The following ZNF565 variants were observed in gnomAD, a reference collection of about 807,000 sequenced individuals.
ZNF565 encodes the protein zinc finger protein 565.
In ZNF565, 27 loss-of-function variants were observed where a neutral mutation model predicts 39.4. That is an observed-to-expected ratio of 0.69 (90% CI 0.51 to 0.95). The LOEUF is 0.95. Among genes scored for constraint, ZNF565 ranks in the 40% least tolerant of loss-of-function variants. The pLI, the probability that ZNF565 is intolerant of heterozygous loss-of-function variation, is 0.00. For missense variants in ZNF565, 524 were observed against 621.1 expected (o/e 0.84, Z 1.66); for synonymous variants, 185 against 216.6 (o/e 0.85, Z 1.28).
At chr19:36,194,800 G>C in intron 3 of ZNF565, 1 of 643,952 alleles carries the variant, frequency 1.6e-6, no homozygotes, top group Non-Finnish European at 2.8e-6. Flanking sequence ...GACAGGAGGA[G>C]AGAGAGCACC....
At chr19:36,195,203 CATTT>C (rs763085274) in intron 2 of ZNF565, 47 bp from the exon 3 acceptor site, 2 of 1,570,400 alleles carry the variant, frequency 1.3e-6, no homozygotes, top group Middle Eastern at 1.7e-4. Context: ...AAACTTTTTT[CATTT>C]ATTATGAAAA....
intron 1 of ZNF565, among the ~76,000 whole-genome samples, chr19:36,239,324 T>A (rs1349036194): frequency 1.4e-5 from 2 of 143,982 alleles, no homozygotes; most frequent in Non-Finnish European, 3.0e-5. Context: ...TTTTTGATAA[T>A]ATCTTTTTTT....
At chr19:36,197,155 C>T (rs1293308689) in intron 2 of ZNF565, among the ~76,000 whole-genome samples, 2 of 151,924 alleles carry the variant, frequency 1.3e-5, no homozygotes, top group Non-Finnish European at 2.9e-5. Flanking sequence ...ACCTGTAATC[C>T]CAGCTACTTG....
rs543123583 is a variant in ZNF565, at chr19:36,239,110, A to G, written c.55+6366T>C. Among the ~76,000 whole-genome samples, 185 of 152,264 alleles carry G rather than the reference A, an allele frequency of 1.2e-3. 1 individual carries two copies. The highest frequency in any genetic ancestry group is 4.3e-3 in the African/African-American group (179 of 41,556). On this transcript the variant is annotated intron_variant, in intron 1 of 4. Transcript: ENST00000355114. ...CCATGAAACAGGTCCCTGGTACCAA[A>G]AAGGTTGGGGACCGCTGCACTATAT...
chr19:36,206,656 T>A (rs1232352038), intron 1 of ZNF565, among the ~76,000 whole-genome samples: 1 of 151,824 alleles, frequency 6.6e-6, no homozygotes, highest in African/African-American at 2.4e-5. Flanking sequence ...CATGGTGAAA[T>A]GCCGTCTCTA....
upstream of ZNF565, among the ~76,000 whole-genome samples, chr19:36,219,659 C>T (rs932112620): frequency 2.0e-5 from 3 of 152,150 alleles, no homozygotes; most frequent in African/African-American, 7.2e-5. Flanking sequence ...TACTTTGGTT[C>T]ATTCTCCATC....
chr19:36,244,232 C>T (rs1235335232), intron 1 of ZNF565, among the ~76,000 whole-genome samples: 1 of 152,182 alleles, frequency 6.6e-6, no homozygotes, highest in Non-Finnish European at 1.5e-5. Context: ...CTTGTGAAAA[C>T]GTGCCTGTTG....
At chr19:36,234,918 T>C (rs1183459831) in intron 1 of ZNF565, among the ~76,000 whole-genome samples, 1 of 152,190 alleles carries the variant, frequency 6.6e-6, no homozygotes, top group Non-Finnish European at 1.5e-5. Flanking sequence ...CAACTGTTCC[T>C]TACACTTTTT....
intron 1 of ZNF565, among the ~76,000 whole-genome samples, chr19:36,228,143 G>T (rs1158364585): frequency 7.2e-6 from 1 of 139,176 alleles, no homozygotes; most frequent in Non-Finnish European, 1.5e-5. Flanking sequence ...CTGGGCAACA[G>T]GAGTGAAACT....
rs561185907 is a variant in ZNF565, at chr19:36,222,776, G to A, written c.56-20726C>T. Among the ~76,000 whole-genome samples the A allele has an allele frequency of 2.6e-3, 244 of 92,280 alleles. 4 individuals carry two copies. The highest frequency in any genetic ancestry group is 6.0e-3 in the Middle Eastern group (1 of 168). The allele number at this position is 92,280 out of a possible 152,430, so 60.5% of individuals were successfully genotyped here. A position where few individuals can be genotyped will look rare whatever the true frequency, so the allele number is the denominator to read the frequency against. The stretch of plus-strand genomic sequence containing the variant: ...GTTAGCCCTGTATGAAATGAGTGGT[G>A]GCTTTTTTTTTTTTTTTTTTTGAAG... On this transcript the variant is annotated intron_variant, in intron 1 of 4. Transcript: ENST00000355114.
At chr19:36,217,691 C>T (rs1976668764), upstream of ZNF565, among the ~76,000 whole-genome samples, 2 of 151,860 alleles carry the variant, frequency 1.3e-5, no homozygotes, top group South Asian at 4.2e-4. Context: ...TTGAGACCAG[C>T]GTGACCAACA....
chr19:36,210,250 G>A (rs893087728), intron 1 of ZNF565, among the ~76,000 whole-genome samples: 30 of 151,566 alleles, frequency 2.0e-4, no homozygotes, highest in Non-Finnish European at 3.1e-4. Flanking sequence ...ACGAAAACCC[G>A]TCTTTACTAA....
At chr19:36,241,421 T>G (rs1392248814) in intron 1 of ZNF565, among the ~76,000 whole-genome samples, 1 of 147,702 alleles carries the variant, frequency 6.8e-6, no homozygotes, top group Non-Finnish European at 1.5e-5. Context: ...GAGGCAGAGG[T>G]TGCAGTGAGC....
At chr19:36,206,396 G>A (rs1417021650) in intron 1 of ZNF565, among the ~76,000 whole-genome samples, 1 of 151,882 alleles carries the variant, frequency 6.6e-6, no homozygotes, top group African/African-American at 2.4e-5. Flanking sequence ...ATAACTTGAG[G>A]TCAGCAGCTC....
At chr19:36,200,044 G>A (rs78659267) in intron 2 of ZNF565, among the ~76,000 whole-genome samples, 3 of 145,042 alleles carry the variant, frequency 2.1e-5, no homozygotes, top group African/African-American at 7.6e-5. Context: ...TTTTTTTTTT[G>A]AGACAGAGTC....
intron 1 of ZNF565, among the ~76,000 whole-genome samples, chr19:36,211,683 C>T (rs1362364206): frequency 2.6e-5 from 4 of 151,858 alleles, no homozygotes; most frequent in Admixed American, 1.3e-4. Flanking sequence ...GTCCCAACTA[C>T]TCGGGAGGCT....
At position 36,245,885 on chromosome 19, in the gene ZNF565, A is replaced by C; in HGVS notation, c.-355T>G. ...GGTGCGGGGCCTTGGCTCAGGCGGA[A>C]CCCGACCGGGATCGCCCCGCGAGAT... On this transcript the variant is annotated 5_prime_UTR_variant, in exon 1 of 5. Transcript: ENST00000355114. The surrounding 1 kb of genome is among the most constrained non-coding windows in gnomAD (Gnocchi z 4.4). The C allele has an allele frequency of 3.9e-6, 1 of 255,412 alleles. No individual in the cohort carries two copies. Among genetic ancestry groups the C allele is most frequent in the South Asian group, 7.6e-5 (1 of 13,138 alleles). 15.8% of individuals were successfully genotyped at this position (255,412 alleles called of 1,614,324 possible).
intron 1 of ZNF565, among the ~76,000 whole-genome samples, chr19:36,202,433 C>T (rs1976000581): frequency 6.6e-6 from 1 of 151,980 alleles, no homozygotes; most frequent in African/African-American, 2.4e-5. Flanking sequence ...GTTAAGAAAA[C>T]CCAGTCCCTT....
rs557906912 is a variant in ZNF565, at chr19:36,195,027, T to G, written c.136+3A>C. ...TCTGGCCCGTGTGATACAATCTCCT[T>G]ACCTAGTGAGGCCAAGTGACCAAAG... On this transcript the variant is annotated splice_donor_region_variant and intron_variant, in intron 3 of 4. Transcript: ENST00000304116. 6.2e-7 allele frequency: 1 copy of G among 1,614,126 alleles called. No individual in the cohort carries two copies. The highest frequency in any genetic ancestry group is 1.7e-5 in the Admixed American group (1 of 59,982).
Sources: allele counts gnomAD v4.1 joint callset (sites outside exome capture counted in the v4.1 genomes callset), GRCh38; gene constraint gnomAD v4.1.1; non-coding constraint Gnocchi (gnomAD v3.1); transcripts MANE v1.5; gene names NCBI Gene and HGNC (gene_info 2026-07-23, HGNC 2026-07-21).